The following DLGAP1 variants were observed in gnomAD, a reference collection of about 807,000 sequenced individuals.
DLGAP1 encodes disks large-associated protein 1.
Under a neutral mutation model 90.8 loss-of-function variants are expected in DLGAP1, and 11 were observed. That is an observed-to-expected ratio of 0.12 (90% confidence interval 0.08 to 0.20). DLGAP1 has a LOEUF of 0.20. Ranked by LOEUF, DLGAP1 falls within the 10% of genes least tolerant of loss-of-function variation. The pLI is 1.00. For missense variants in DLGAP1, 1,050 were observed against 1,333.8 expected, an observed-to-expected ratio of 0.79 and a Z score of 3.31; for synonymous variants, 558 against 540.7, an observed-to-expected ratio of 1.03 and a Z score of -0.44.
At position 3,636,925 on chromosome 18, in the gene DLGAP1, A is replaced by T. The variant is rs374525895; in HGVS notation, c.1592-54677T>A. Among the ~76,000 whole-genome samples, 845 of 147,422 alleles carry T rather than the reference A, an allele frequency of 5.7e-3. 17 individuals are homozygous for T. Among genetic ancestry groups the T allele is most frequent in the East Asian group, 0.053 (238 of 4,520 alleles). On this transcript the variant is annotated intron_variant, in intron 7 of 12. Transcript: ENST00000315677. Reference sequence around the variant, plus strand: ...TTTTCAATAGAGACGGAGTTTCACCATGTTGGCCAGGATGGTCTCGATCTC... The same window carrying T: ...TTTTCAATAGAGACGGAGTTTCACCTTGTTGGCCAGGATGGTCTCGATCTC...
chr18:3,669,597 C>T (rs1471998467), intron 7 of DLGAP1, among the ~76,000 whole-genome samples: 8 of 152,202 alleles, frequency 5.3e-5, no homozygotes. Context: ...GCCATCGACC[C>T]GCGACCTGCG....
intron 3 of DLGAP1, chr18:3,896,749 A>G (rs1415052051): frequency 6.6e-6 from 1 of 152,316 alleles, no homozygotes; most frequent in Non-Finnish European, 1.5e-5. Flanking sequence ...TCTCCCTTGA[A>G]GTGAGTCATG....
intron 9 of DLGAP1, among the ~76,000 whole-genome samples, chr18:3,557,420 A>G (rs1028161819): frequency 6.6e-6 from 1 of 151,856 alleles, no homozygotes; most frequent in Admixed American, 6.6e-5. Flanking sequence ...TACTCGGGAG[A>G]CTGAGGCAGG....
intron 3 of DLGAP1, among the ~76,000 whole-genome samples, chr18:3,907,271 C>T (rs1168407112): frequency 3.9e-5 from 6 of 152,140 alleles, no homozygotes; most frequent in Non-Finnish European, 8.8e-5. Context: ...TCTTTCCTAG[C>T]CTATATCCTC....
At chr18:3,679,201 C>CT (rs1283310021) in intron 7 of DLGAP1, among the ~76,000 whole-genome samples, 3 of 136,448 alleles carry the variant, frequency 2.2e-5, no homozygotes, top group African/African-American at 9.4e-5. Flanking sequence ...CTCCCCACCC[C>CT]CTACTCCCAC....
chr18:3,602,203 CTT>C (rs2057078361), intron 7 of DLGAP1, among the ~76,000 whole-genome samples: 1 of 152,158 alleles, frequency 6.6e-6, no homozygotes, highest in South Asian at 2.1e-4. Flanking sequence ...CTAGTACACA[CTT>C]TTTGGAAACC....
chr18:4,348,472 C>T (rs994050169), intron 1 of DLGAP1, among the ~76,000 whole-genome samples: 12 of 145,022 alleles, frequency 8.3e-5, no homozygotes, highest in Non-Finnish European at 1.7e-4. Flanking sequence ...GAGATGTGTG[C>T]GCATATGTGG....
At chr18:4,367,840 C>A (rs1342926590) in intron 1 of DLGAP1, among the ~76,000 whole-genome samples, 2 of 151,630 alleles carry the variant, frequency 1.3e-5, no homozygotes, top group Non-Finnish European at 2.9e-5. Flanking sequence ...CAGAGTGAGA[C>A]TCCATCTCAG....
chr18:3,641,421 CA>C (rs922572183), intron 7 of DLGAP1, among the ~76,000 whole-genome samples: 3 of 147,898 alleles, frequency 2.0e-5, no homozygotes, highest in Non-Finnish European at 4.4e-5. Context: ...CCTGTAATCC[CA>C]GCTACTCGGG....
intron 3 of DLGAP1, among the ~76,000 whole-genome samples, chr18:3,930,305 TGTG>T (rs1444286216): frequency 3.9e-5 from 6 of 152,150 alleles, no homozygotes; most frequent in Non-Finnish European, 8.8e-5. Flanking sequence ...TTGCCATGGG[TGTG>T]GTACTGTGCT....
chr18:3,933,559 C>A (rs533679090), intron 3 of DLGAP1, among the ~76,000 whole-genome samples: 11 of 152,350 alleles, frequency 7.2e-5, no homozygotes, highest in Non-Finnish European at 1.5e-5. Flanking sequence ...CTCCATTCTT[C>A]CTCTCTAGGT....
chr18:3,990,040 G>A (rs2149048477), intron 3 of DLGAP1, among the ~76,000 whole-genome samples: 1 of 152,226 alleles, frequency 6.6e-6, no homozygotes, highest in Middle Eastern at 3.4e-3. Context: ...TGGTGGGACT[G>A]TAAACTAGTT....
intron 1 of DLGAP1, among the ~76,000 whole-genome samples, chr18:4,250,048 G>C (rs2145190196): frequency 6.6e-6 from 1 of 152,274 alleles, no homozygotes; most frequent in Admixed American, 6.5e-5. Context: ...TAGAGCAAAG[G>C]GTTTAGATCC....
intron 5 of DLGAP1, among the ~76,000 whole-genome samples, chr18:3,757,495 A>G (rs1474455784): frequency 6.6e-6 from 1 of 152,182 alleles, no homozygotes; most frequent in Non-Finnish European, 1.5e-5. Context: ...AAAATTCCCA[A>G]CAAAACAATA....
At chr18:3,551,312 T>G (rs56287647) in intron 9 of DLGAP1, among the ~76,000 whole-genome samples, 14,289 of 151,928 alleles carry the variant, frequency 0.094, 807 homozygotes, top group African/African-American at 0.14. Flanking sequence ...AATGTAGTGG[T>G]GGTCTTGCCT....
At chr18:3,641,357 G>T (rs1468563759) in intron 7 of DLGAP1, among the ~76,000 whole-genome samples, 2 of 151,540 alleles carry the variant, frequency 1.3e-5, no homozygotes, top group Non-Finnish European at 2.9e-5. Flanking sequence ...ACCAACATGA[G>T]GAAATCCCGT....
intron 1 of DLGAP1, among the ~76,000 whole-genome samples, chr18:4,289,443 A>T (rs1289756947): frequency 6.6e-6 from 1 of 152,190 alleles, no homozygotes; most frequent in African/African-American, 2.4e-5. Context: ...ACATGATGAA[A>T]GTGCTGCTGA....
intron 2 of DLGAP1, among the ~76,000 whole-genome samples, chr18:4,051,088 A>ACTGCAGTTGTTTCTTTTGGGGGCAGCCT (rs1240005025): frequency 1.3e-5 from 2 of 152,140 alleles, no homozygotes; most frequent in Non-Finnish European, 2.9e-5. Flanking sequence ...TGTGTTTGAA[A>ACTGCAGTTGTTTCTTTTGGGGGCAGCCT]CTGCAGTTGT....
intron 2 of DLGAP1, among the ~76,000 whole-genome samples, chr18:4,032,044 T>C (rs1055940895): frequency 1.3e-5 from 2 of 152,150 alleles, no homozygotes; most frequent in Non-Finnish European, 2.9e-5. Flanking sequence ...ATACTTCACA[T>C]TGCAAGGAAT....
Sources: allele counts gnomAD v4.1 joint callset (sites outside exome capture counted in the v4.1 genomes callset), GRCh38; gene constraint gnomAD v4.1.1; transcripts MANE v1.5; gene names NCBI Gene and HGNC (gene_info 2026-07-23, HGNC 2026-07-21).